The following ALK variants were observed in gnomAD, a reference collection of about 807,000 sequenced individuals.
The protein encoded by ALK is ALK receptor tyrosine kinase, also known as ALK tyrosine kinase receptor.
Under a neutral mutation model 163.1 loss-of-function variants are expected in ALK, and 74 were observed. That is an observed-to-expected ratio of 0.45 (90% confidence interval 0.38 to 0.55). The LOEUF (loss-of-function observed/expected upper bound fraction) is 0.55, where lower values mean the gene tolerates loss of function less well. Ranked by LOEUF, ALK falls within the 20% of genes least tolerant of loss-of-function variation. ALK has a pLI of 0.00. For missense variants in ALK, 2,063 were observed against 2,105.3 expected (o/e 0.98, Z 0.39); for synonymous variants, 960 against 843.2 (o/e 1.14, Z -2.40).
At chr2:29,617,442 T>C (rs1675878564) in intron 3 of ALK, among the ~76,000 whole-genome samples, 1 of 152,212 alleles carries the variant, frequency 6.6e-6, no homozygotes, top group Non-Finnish European at 1.5e-5. Flanking sequence ...TAGTTTCCTC[T>C]TCTATCACAT....
At chr2:29,695,045 A>G in intron 2 of ALK, 31 bp from the exon 3 acceptor site, 1 of 1,613,682 alleles carries the variant, frequency 6.2e-7, no homozygotes, top group Non-Finnish European at 8.5e-7. Flanking sequence ...CAATGGAAAA[A>G]ACCATTTCCC....
chr2:29,787,090 C>T (rs936078271), intron 1 of ALK, among the ~76,000 whole-genome samples: 26 of 151,930 alleles, frequency 1.7e-4, no homozygotes, highest in Admixed American at 6.5e-4. Flanking sequence ...CCACCATGCC[C>T]GGCCTTCCCT....
At chr2:29,792,711 C>T (rs185536747) in intron 1 of ALK, among the ~76,000 whole-genome samples, 35 of 149,414 alleles carry the variant, frequency 2.3e-4, no homozygotes, top group Non-Finnish European at 4.4e-5. Context: ...TAAAGCAAGT[C>T]ACACAACATT....
chr2:29,543,453 G>T (rs1673468271), intron 3 of ALK, among the ~76,000 whole-genome samples: 1 of 152,180 alleles, frequency 6.6e-6, no homozygotes, highest in African/African-American at 2.4e-5. Flanking sequence ...CCCAGTGCCA[G>T]CCCAAAGGGC....
At chr2:29,519,651 G>A (rs1672760492) in intron 4 of ALK, among the ~76,000 whole-genome samples, 1 of 152,208 alleles carries the variant, frequency 6.6e-6, no homozygotes, top group African/African-American at 2.4e-5. Flanking sequence ...AAAGTTGATA[G>A]ACAAGTGAGG....
At chr2:29,730,046 A>C (rs180776664) in intron 1 of ALK, among the ~76,000 whole-genome samples, 3 of 152,322 alleles carry the variant, frequency 2.0e-5, no homozygotes, top group Admixed American at 2.0e-4. Context: ...TCGTCCTATT[A>C]AACCACCCAA....
At chr2:29,380,709 T>C (rs997444513) in intron 5 of ALK, among the ~76,000 whole-genome samples, 8 of 152,020 alleles carry the variant, frequency 5.3e-5, no homozygotes, top group African/African-American at 7.2e-5. Flanking sequence ...GTTGGGATTA[T>C]AGGCATTAGC....
chr2:29,840,249 T>C (rs75670305), intron 1 of ALK, among the ~76,000 whole-genome samples: 2,355 of 152,348 alleles, frequency 0.015, 66 homozygotes, highest in African/African-American at 0.054. Flanking sequence ...TGTACATCTT[T>C]GTATTGCCTC....
intron 1 of ALK, among the ~76,000 whole-genome samples, chr2:29,817,420 TTGGCC>T (rs761532719): frequency 3.3e-5 from 5 of 152,236 alleles, no homozygotes; most frequent in Non-Finnish European, 5.9e-5. Context: ...ATCTTTTCTA[TTGGCC>T]TTATCTGTGC....
intron 1 of ALK, among the ~76,000 whole-genome samples, chr2:29,802,944 C>A (rs948543105): frequency 6.6e-4 from 100 of 151,964 alleles, no homozygotes; most frequent in African/African-American, 2.3e-3. Flanking sequence ...AGGTACAGTT[C>A]TCTGTTTCTT....
chr2:29,430,843 C>T (rs62131770), intron 4 of ALK, among the ~76,000 whole-genome samples: 36,001 of 152,144 alleles, frequency 0.24, 5,186 homozygotes, highest in Non-Finnish European at 0.33. Context: ...TTCCTAACAC[C>T]CTGTGTTTTT....
At chr2:29,429,165 A>T (rs961424510) in intron 4 of ALK, among the ~76,000 whole-genome samples, 1 of 152,080 alleles carries the variant, frequency 6.6e-6, no homozygotes, top group African/African-American at 2.4e-5. Context: ...ATTATTAAAG[A>T]CTGAATGCTT....
chr2:29,500,684 G>C (rs536922372), intron 4 of ALK, among the ~76,000 whole-genome samples: 1 of 152,070 alleles, frequency 6.6e-6, no homozygotes, highest in Non-Finnish European at 1.5e-5. Context: ...CGCCATCCAT[G>C]GTCTTGCCTA....
At chr2:29,199,420 G>A (rs150377376) in intron 26 of ALK, among the ~76,000 whole-genome samples, 1 of 152,112 alleles carries the variant, frequency 6.6e-6, no homozygotes, top group East Asian at 1.9e-4. Context: ...AGTTGTGTTT[G>A]TTTTTGCTCT....
At chr2:29,756,716 A>G (rs1232998485) in intron 1 of ALK, among the ~76,000 whole-genome samples, 2 of 152,180 alleles carry the variant, frequency 1.3e-5, no homozygotes, top group South Asian at 4.2e-4. Context: ...TAGTAGAGAC[A>G]GGGTTTCACC....
At chr2:29,866,385 T>C (rs1166935767) in intron 1 of ALK, among the ~76,000 whole-genome samples, 1 of 152,150 alleles carries the variant, frequency 6.6e-6, no homozygotes, top group African/African-American at 2.4e-5. Flanking sequence ...CGACACGCAA[T>C]GCTCAGAGAA....
chr2:29,246,602 G>A lies in ALK; in HGVS notation c.2204+4503C>T, dbSNP rs561126088. ...GCCAAGCTCGTGGGAGAGTGGCTGC[G>A]CTCCTTTGTCCTCGCTTCCTCAGTC... On this transcript the variant is annotated intron_variant, in intron 12 of 28. Coordinates refer to ENST00000389048, the MANE Select transcript of ALK (RefSeq NM_004304.5). The surrounding 1 kb of genome is among the most constrained non-coding windows in gnomAD (Gnocchi z 4.3). Among the ~76,000 whole-genome samples the A allele has an allele frequency of 5.3e-5, 8 of 152,138 alleles. No individual in the cohort carries two copies. Among genetic ancestry groups the A allele is most frequent in the Non-Finnish European group, 2.9e-5 (2 of 68,030 alleles).
chr2:29,461,570 G>A (rs531311050), intron 4 of ALK, among the ~76,000 whole-genome samples: 5 of 152,194 alleles, frequency 3.3e-5, no homozygotes, highest in Middle Eastern at 6.8e-3. Context: ...ATGTAACAAC[G>A]AAGTCTGGAT....
chr2:29,268,536 C>T (rs140527937), intron 11 of ALK, among the ~76,000 whole-genome samples: 1 of 152,280 alleles, frequency 6.6e-6, no homozygotes, highest in Non-Finnish European at 1.5e-5. Flanking sequence ...GGGTTTGGCA[C>T]AGAGCAGGCA....
Sources: allele counts gnomAD v4.1 joint callset (sites outside exome capture counted in the v4.1 genomes callset), GRCh38; gene constraint gnomAD v4.1.1; non-coding constraint Gnocchi (gnomAD v3.1); transcripts MANE v1.5; gene names NCBI Gene and HGNC (gene_info 2026-07-23, HGNC 2026-07-21).